Variants in PNPLA8 observed in about 807,000 individuals in gnomAD.
The protein encoded by PNPLA8 is patatin like domain 8, phospholipase A2, also known as calcium-independent phospholipase A2-gamma.
In PNPLA8, 39 loss-of-function variants were observed where a neutral mutation model predicts 76.9. The observed-to-expected ratio is 0.51, with a 90% CI of 0.39 to 0.66. The LOEUF is 0.66. PNPLA8 is among the 30% of genes least tolerant of loss of function. PNPLA8 has a pLI of 0.00. For missense variants in PNPLA8, 887 were observed against 918.0 expected (o/e 0.97, Z 0.44); for synonymous variants, 301 against 307.9 (o/e 0.98, Z 0.24).
Position 108,497,480 on chromosome 7 carries a change from T to C in PNPLA8, c.1453+3A>G. 1.9e-6 allele frequency: 3 copies of C among 1,556,200 alleles called. No homozygotes were observed. In the South Asian group the frequency reaches 3.4e-5, roughly 18 times the overall value. ...TGCACCACTTCCATATAATAATAAT[T>C]ACCTGTGCTTACACCACAAATGTAA... On this transcript the variant is annotated splice_donor_region_variant and intron_variant, in intron 6 of 10. Coordinates refer to ENST00000257694, the MANE Select transcript of PNPLA8 (RefSeq NM_001256007.3).
intron 9 of PNPLA8, among the ~76,000 whole-genome samples, chr7:108,482,341 G>A (rs1410025047): frequency 3.3e-5 from 5 of 151,988 alleles, no homozygotes; most frequent in South Asian, 4.1e-4. Flanking sequence ...GGGTGGTGGC[G>A]CACACCTGTA....
At chr7:108,515,939 T>C (rs1863309212) in intron 2 of PNPLA8, among the ~76,000 whole-genome samples, 1 of 152,248 alleles carries the variant, frequency 6.6e-6, no homozygotes, top group Non-Finnish European at 1.5e-5. Flanking sequence ...GACACTAGAC[T>C]TTAATTCCTT....
Position 108,514,412 on chromosome 7 carries a change from C to T in PNPLA8, c.1056+24G>A, listed in dbSNP as rs569439336. Reference sequence around the variant, plus strand: ...TAAATTTGACAAAAAGTAATAGAACCGAAAAGCACACTGAACAACTTGCCT... The same window carrying T: ...TAAATTTGACAAAAAGTAATAGAACTGAAAAGCACACTGAACAACTTGCCT... On this transcript the variant is annotated intron_variant, in intron 3 of 10. Transcript: ENST00000257694. 1,017 of 1,577,262 alleles carry T rather than the reference C, an allele frequency of 6.4e-4. 19 individuals carry two copies. The South Asian group carries it at 0.011, about 17-fold the overall frequency.
chr7:108,508,087 T>G (rs1862595085), intron 4 of PNPLA8, among the ~76,000 whole-genome samples: 1 of 36,176 alleles, frequency 2.8e-5, no homozygotes, highest in Admixed American at 3.3e-4. Flanking sequence ...GGGCAAAAAC[T>G]GGAAGCATTC....
At chr7:108,527,172 A>G (rs1564001749), upstream of PNPLA8, among the ~76,000 whole-genome samples, 1 of 152,184 alleles carries the variant, frequency 6.6e-6, no homozygotes, top group East Asian at 1.9e-4. Flanking sequence ...ACCCATGGGT[A>G]TGTATGCTTT....
rs534186748 is a variant in PNPLA8, at chr7:108,510,339, T to C, written c.1206+3805A>G. 2.0e-5 allele frequency: 31 copies of C among 1,585,750 alleles called. No homozygotes were observed. In the South Asian group the frequency reaches 2.4e-4, roughly 12 times the overall value. The stretch of plus-strand genomic sequence containing the variant: ...AAGATGAAGCGCCTGAGAAAGAAGT[T>C]TGCCCAAAAGATGCTTCGAAAGGCA... On this transcript the variant is annotated intron_variant, in intron 4 of 10. Transcript: ENST00000257694.
rs1201452464 is a variant in PNPLA8, at chr7:108,515,027, T to C, written c.465A>G (p.Lys155=). The C allele has an allele frequency of 1.9e-6, 3 of 1,607,638 alleles. No homozygotes were observed. Among genetic ancestry groups the C allele is most frequent in the East Asian group, 2.2e-5 (1 of 44,866 alleles). The change falls in exon 3 of 11, where the codon AAA becomes AAG. Residue 155 remains lysine, a synonymous_variant. Coordinates refer to ENST00000257694, the MANE Select transcript of PNPLA8 (RefSeq NM_001256007.3). The part of the protein sequence containing the change: ...LKQKNIKQAI[K]SLKKYSDKSA... ...ATTTGTCACTATATTTTTTCAGAGATTTGATGGCTTGTTTGATGTTTTTCT... is the reference window on the plus strand; with the variant it reads ...ATTTGTCACTATATTTTTTCAGAGACTTGATGGCTTGTTTGATGTTTTTCT...
chr7:108,498,711 T>C (rs1402071536), intron 5 of PNPLA8, among the ~76,000 whole-genome samples: 2 of 152,132 alleles, frequency 1.3e-5, no homozygotes, highest in African/African-American at 4.8e-5. Flanking sequence ...CAACAGCAGT[T>C]AATAGCTTCA....
At position 108,482,886 on chromosome 7, in the gene PNPLA8, T is replaced by C. The variant is rs146428173; in HGVS notation, c.1879-3507A>G. Among the ~76,000 whole-genome samples the C allele has an allele frequency of 2.7e-4, 41 of 152,314 alleles. No homozygotes were observed. The East Asian group carries it at 7.7e-3, about 29-fold the overall frequency. On this transcript the variant is annotated intron_variant, in intron 9 of 10. Transcript: ENST00000257694. Reference sequence around the variant, plus strand: ...TGTGGAAAATCAACTACCCCCACCATTGGTGCTCTGGCTTAAAGGTCCCAT... The same window carrying C: ...TGTGGAAAATCAACTACCCCCACCACTGGTGCTCTGGCTTAAAGGTCCCAT...
Position 108,487,922 on chromosome 7 carries a change from C to A in PNPLA8, c.1715G>T (p.Gly572Val). ...GAACACAAAAGCTTTGGGTGTTATC[C>A]CTCTATTTACTATGGTACTTACAGC... is the stretch of plus-strand genomic sequence containing the variant. Reference protein sequence around the residue: ...VAAVSTIVNRGITPKAFVFRN... With the variant: ...VAAVSTIVNRVITPKAFVFRN... The change falls in exon 9 of 11, where the codon GGG becomes GTG. Residue 572 changes from glycine (G) to valine (V), a missense_variant. Transcript: ENST00000257694. 1 of 1,612,200 alleles carries A rather than the reference C, an allele frequency of 6.2e-7. No individual in the cohort carries two copies. The highest frequency in any genetic ancestry group is 8.5e-7 in the Non-Finnish European group (1 of 1,178,638).
At chr7:108,475,038 T>C (rs1859890433) in intron 10 of PNPLA8, among the ~76,000 whole-genome samples, 1 of 152,086 alleles carries the variant, frequency 6.6e-6, no homozygotes, top group African/African-American at 2.4e-5. Context: ...TCCTGTCAGA[T>C]CAGTGGTGGC....
intron 1 of PNPLA8, among the ~76,000 whole-genome samples, chr7:108,521,977 T>A (rs1314802271): frequency 6.6e-6 from 1 of 152,182 alleles, no homozygotes; most frequent in East Asian, 1.9e-4. Flanking sequence ...AGCATTCACA[T>A]CAACACAGAT....
At chr7:108,510,177 TAA>T (rs377411888) in intron 4 of PNPLA8, 1,037 of 643,818 alleles carry the variant, frequency 1.6e-3, no homozygotes, top group Non-Finnish European at 1.9e-3. Context: ...TAAAGTATAA[TAA>T]AAAAAAAAAA....
intron 7 of PNPLA8, among the ~76,000 whole-genome samples, chr7:108,492,953 G>C (rs1330734717): frequency 6.6e-6 from 1 of 152,138 alleles, no homozygotes; most frequent in Non-Finnish European, 1.5e-5. Context: ...TGCTCTCTGG[G>C]AACTCTGAAA....
rs374541284 is a variant in PNPLA8, at chr7:108,515,139, T to C, written c.353A>G (p.Asn118Ser). 1.0e-5 allele frequency: 16 copies of C among 1,605,630 alleles called. No homozygotes were observed. Among genetic ancestry groups the C allele is most frequent in the African/African-American group, 9.4e-5 (7 of 74,378 alleles). ...LNSVSKAVFG[N>S]QNEMISRLAQ... ...TAAACGTGAAATCATTTCATTTTGA[T>C]TGCCAAAAACAGCCTTTGAAACAGA... is the stretch of plus-strand genomic sequence containing the variant. The change falls in exon 3 of 11, where the codon AAT (asparagine) becomes AGT (serine). Residue 118 changes from asparagine (N) to serine (S), a missense_variant. Transcript: ENST00000257694.
chr7:108,503,663 A>G (rs1215803314), intron 4 of PNPLA8, among the ~76,000 whole-genome samples: 1 of 152,232 alleles, frequency 6.6e-6, no homozygotes, highest in Non-Finnish European at 1.5e-5. Flanking sequence ...TGAAGCAACA[A>G]GAACAGATGG....
intron 2 of PNPLA8, among the ~76,000 whole-genome samples, 154 bp from the exon 3 acceptor site, chr7:108,515,728 G>A (rs1863291423): frequency 2.0e-5 from 3 of 152,086 alleles, no homozygotes; most frequent in African/African-American, 7.2e-5. Flanking sequence ...TCATTTTTAA[G>A]CTAATAGAAA....
chr7:108,493,875 T>C (rs1367601968), intron 7 of PNPLA8, among the ~76,000 whole-genome samples: 1 of 152,102 alleles, frequency 6.6e-6, no homozygotes, highest in Admixed American at 6.5e-5. Context: ...AGATTTGCTA[T>C]GCTGTATCAT....
chr7:108,479,450 CTAAA>C, intron 9 of PNPLA8, 71 bp from the exon 10 acceptor site: 1 of 1,036,592 alleles, frequency 9.6e-7, no homozygotes, highest in South Asian at 1.6e-5. Context: ...ATGTAATAAG[CTAAA>C]TAAATTATTT....
Sources: gnomAD v4.1 joint callset for allele counts (sites outside exome capture counted in the v4.1 genomes callset) on GRCh38, gnomAD v4.1.1 for gene constraint, MANE v1.5 for transcripts, NCBI Gene and HGNC (gene_info 2026-07-23, HGNC 2026-07-21) for gene names.